The following FADS6 variants were observed in gnomAD, a reference collection of about 807,000 sequenced individuals.
FADS6 encodes the protein fatty acid desaturase domain family, member 6.
A neutral mutation model predicts 31.7 loss-of-function variants in FADS6; 28 were observed. The observed-to-expected ratio is 0.88, with a 90% CI of 0.66 to 1.21. The LOEUF is 1.21. Ranked by LOEUF, FADS6 falls within the 50% of genes most tolerant of loss-of-function variation. The pLI, the probability that FADS6 is intolerant of heterozygous loss-of-function variation, is 0.00. For synonymous variants in FADS6, 191 were observed against 213.1 expected (o/e 0.90, Z 0.90); for missense variants, 494 against 504.2 (o/e 0.98, Z 0.19).
At chr17:74,888,138 ACACACACACACACACACGCGCG>A (rs1374839941) in intron 2 of FADS6, among the ~76,000 whole-genome samples, 4 of 108,750 alleles carry the variant, frequency 3.7e-5, no homozygotes, top group Non-Finnish European at 3.6e-5. Context: ...ACACACACAC[ACACACACACACACACACGCGCG>A]CGCGCGCGCG....
intron 2 of FADS6, among the ~76,000 whole-genome samples, chr17:74,887,779 G>A (rs1405404314): frequency 2.0e-5 from 3 of 152,212 alleles, no homozygotes; most frequent in East Asian, 1.9e-4. Flanking sequence ...TCCGCCTCCC[G>A]GGTTCAAGCA....
Position 74,893,613 on chromosome 17 carries a change from G to GTTCCATGGA in FADS6, c.-19_-18insTCCATGGAA. ...GGTTCCATGGACTCTGTGGGCTCGG[G>GTTCCATGGA]CCCGACGCGCACGGAGGACTGGAGG... On this transcript the variant is annotated 5_prime_UTR_variant, in exon 1 of 6. The change creates a new upstream start codon in the 5' untranslated region. Transcript: ENST00000612771. 2.4e-6 allele frequency: 3 copies of GTTCCATGGA among 1,274,074 alleles called. No individual in the cohort carries two copies. Among genetic ancestry groups the GTTCCATGGA allele is most frequent in the South Asian group, 2.6e-5 (1 of 37,836 alleles). The allele number at this position is 1,274,074 out of a possible 1,614,324, so 78.9% of individuals were successfully genotyped here.
chr17:74,884,771 G>A (rs544930732), intron 2 of FADS6, among the ~76,000 whole-genome samples: 12 of 151,924 alleles, frequency 7.9e-5, no homozygotes, highest in East Asian at 7.7e-4. Flanking sequence ...GCAATGGTGC[G>A]ATCTCGGCTC....
intron 2 of FADS6, among the ~76,000 whole-genome samples, chr17:74,883,953 C>G (rs2038598944): frequency 6.6e-6 from 1 of 152,206 alleles, no homozygotes; most frequent in Non-Finnish European, 1.5e-5. Context: ...CAGGTGTGAG[C>G]CACTGCGCCC....
chr17:74,886,291 C>T (rs1345168550), intron 2 of FADS6, among the ~76,000 whole-genome samples: 1 of 143,502 alleles, frequency 7.0e-6, no homozygotes, highest in East Asian at 2.1e-4. Flanking sequence ...ATGGGGAAAC[C>T]CCTACTAAAA....
chr17:74,876,626 G>A (rs9898741), downstream of FADS6, among the ~76,000 whole-genome samples: 1,069 of 152,144 alleles, frequency 7.0e-3, 9 homozygotes, highest in African/African-American at 0.025. Flanking sequence ...GTGAAACTCC[G>A]TCTCTACTAA....
intron 2 of FADS6, among the ~76,000 whole-genome samples, chr17:74,885,744 G>A (rs974124151): frequency 2.0e-5 from 3 of 151,996 alleles, no homozygotes; most frequent in Admixed American, 6.6e-5. Flanking sequence ...CAACACCTTC[G>A]TCCCATCTTC....
At chr17:74,885,140 G>A (rs538638223) in intron 2 of FADS6, among the ~76,000 whole-genome samples, 27 of 152,052 alleles carry the variant, frequency 1.8e-4, no homozygotes, top group African/African-American at 6.5e-4. Context: ...CCTCCTCACT[G>A]TGCAGTAGCA....
chr17:74,890,094 T>G (rs1214996522), intron 2 of FADS6, among the ~76,000 whole-genome samples: 1 of 152,068 alleles, frequency 6.6e-6, no homozygotes, highest in Non-Finnish European at 1.5e-5. Flanking sequence ...AAAGTGACAC[T>G]TAGATGTTGA....
chr17:74,888,160 G>GCT (rs2038648853), intron 2 of FADS6, among the ~76,000 whole-genome samples: 1 of 109,078 alleles, frequency 9.2e-6, no homozygotes, highest in African/African-American at 5.1e-5. Flanking sequence ...ACACACGCGC[G>GCT]CGCGCGCGCG....
intron 2 of FADS6, among the ~76,000 whole-genome samples, chr17:74,887,250 ATTTTAGTTTTGTT>A (rs1160838959): frequency 4.6e-5 from 7 of 151,870 alleles, no homozygotes; most frequent in Non-Finnish European, 8.8e-5. Context: ...CATCCAGCTA[ATTTTAGTTTTGTT>A]TTGTAGAGAC....
intron 3 of FADS6, 42 bp from the exon 4 acceptor site, chr17:74,881,297 G>A (rs779518360): frequency 1.3e-6 from 2 of 1,531,716 alleles, no homozygotes; most frequent in Non-Finnish European, 1.8e-6. Flanking sequence ...AGATCCATCA[G>A]GAGGGGCTCC....
At position 74,882,118 on chromosome 17, in the gene FADS6, T is replaced by C. The variant is rs1303388329; in HGVS notation, c.592+412A>G. ...GCCCAGCTAATTTTTTGTATTTTAGTGGAGATGGGGTTTCACCATGTTGCC... is the reference window on the plus strand; with the variant it reads ...GCCCAGCTAATTTTTTGTATTTTAGCGGAGATGGGGTTTCACCATGTTGCC... On this transcript the variant is annotated intron_variant, in intron 3 of 5. Coordinates refer to ENST00000612771, the MANE Select transcript of FADS6 (RefSeq NM_178128.6). Among the ~76,000 whole-genome samples, 2 of 152,070 alleles carry C rather than the reference T, an allele frequency of 1.3e-5. 1 individual carries two copies. Among genetic ancestry groups the C allele is most frequent in the Non-Finnish European group, 2.9e-5 (2 of 68,006 alleles).
At chr17:74,887,054 CCAGTCT>C (rs2038630734) in intron 2 of FADS6, among the ~76,000 whole-genome samples, 1 of 130,056 alleles carries the variant, frequency 7.7e-6, no homozygotes, top group Non-Finnish European at 1.6e-5. Flanking sequence ...CACACACACT[CCAGTCT>C]TTTTTTTTTT....
At chr17:74,886,340 C>G (rs1365532967) in intron 2 of FADS6, among the ~76,000 whole-genome samples, 2 of 145,764 alleles carry the variant, frequency 1.4e-5, no homozygotes, top group Non-Finnish European at 3.0e-5. Flanking sequence ...CACGCCTGTA[C>G]TCCCAGCTAC....
At chr17:74,886,779 T>G (rs573856146) in intron 2 of FADS6, among the ~76,000 whole-genome samples, 3 of 152,162 alleles carry the variant, frequency 2.0e-5, no homozygotes, top group Admixed American at 1.3e-4. Flanking sequence ...GACCCCTGAT[T>G]CCTGAGGGTC....
chr17:74,878,216 C>T lies in FADS6; in HGVS notation c.*115G>A. 2 of 1,450,742 alleles carry T rather than the reference C, an allele frequency of 1.4e-6. No individual in the cohort carries two copies. The highest frequency in any genetic ancestry group is 9.1e-7 in the Non-Finnish European group (1 of 1,104,132). The allele number at this position is 1,450,742 out of a possible 1,614,324, so 89.9% of individuals were successfully genotyped here. ...CCCCTGCCCCCCTGCCTGGCCGGTG[C>T]CTCCACTCTCCAGGTCCACCACCAG... is the stretch of plus-strand genomic sequence containing the variant. On this transcript the variant is annotated 3_prime_UTR_variant, in exon 6 of 6. Coordinates refer to ENST00000612771, the MANE Select transcript of FADS6 (RefSeq NM_178128.6).
Position 74,881,092 on chromosome 17 carries a change from G to C in FADS6, c.756C>G (p.Pro252=), listed in dbSNP as rs1174147304. ...MFLTRSLLAH[P]YLHVNIFQHI... ...CCTGGAAGATGTTGACGTGGAGGTA[G>C]GGGTGGGCCAACAGGGATCTGGTGA... The change falls in exon 4 of 6, where the codon CCC becomes CCG. Residue 252 remains proline (P), a synonymous_variant. Transcript: ENST00000612771. 7 of 1,613,536 alleles carry C rather than the reference G, an allele frequency of 4.3e-6. No homozygotes were observed. The highest frequency in any genetic ancestry group is 5.9e-6 in the Non-Finnish European group (7 of 1,179,730).
At chr17:74,890,550 C>T (rs770730617) in intron 2 of FADS6, among the ~76,000 whole-genome samples, 7 of 152,162 alleles carry the variant, frequency 4.6e-5, no homozygotes, top group Non-Finnish European at 1.0e-4. Context: ...TCCCCAGCTT[C>T]GAGGGGGCTT....
Sources: allele counts gnomAD v4.1 joint callset (sites outside exome capture counted in the v4.1 genomes callset), GRCh38; gene constraint gnomAD v4.1.1; transcripts MANE v1.5; gene names NCBI Gene and HGNC (gene_info 2026-07-23, HGNC 2026-07-21).